FHIT: variants seen among roughly 807,000 people sequenced by gnomAD.
FHIT encodes fragile histidine triad diadenosine triphosphatase.
A neutral mutation model predicts 17.9 loss-of-function variants in FHIT; 19 were observed. The ratio of observed to expected loss-of-function variants is 1.06; its 90% CI spans 0.74 to 1.56. The LOEUF (loss-of-function observed/expected upper bound fraction) is 1.56. Ranked by LOEUF, FHIT falls within the 40% of genes most tolerant of loss-of-function variation. The pLI is 0.00. For synonymous variants in FHIT, 81 were observed against 69.7 expected (o/e 1.16, Z -0.81); for missense variants, 248 against 189.2 (o/e 1.31, Z -1.82).
intron 3 of FHIT, among the ~76,000 whole-genome samples, chr3:61,016,650 A>C (rs1184137440): frequency 6.6e-6 from 1 of 152,228 alleles, no homozygotes. Context: ...GTAGCATAAG[A>C]GTTCACAAGA....
intron 5 of FHIT, among the ~76,000 whole-genome samples, chr3:60,083,636 G>C (rs1212634207): frequency 6.6e-6 from 1 of 152,164 alleles, no homozygotes; most frequent in Non-Finnish European, 1.5e-5. Flanking sequence ...GACAGAGATA[G>C]ACTGGTCCCT....
At chr3:60,978,505 A>T (rs1710359192) in intron 3 of FHIT, among the ~76,000 whole-genome samples, 1 of 152,176 alleles carries the variant, frequency 6.6e-6, no homozygotes, top group African/African-American at 2.4e-5. Context: ...GCCTGCAGTA[A>T]AGAGAAATAA....
intron 5 of FHIT, among the ~76,000 whole-genome samples, chr3:60,170,034 T>A (rs974964372): frequency 2.6e-5 from 4 of 152,210 alleles, no homozygotes; most frequent in Non-Finnish European, 5.9e-5. Context: ...AGAATCATTT[T>A]TCACCTACTC....
At position 60,341,000 on chromosome 3, in the gene FHIT, T is replaced by A. The variant is rs150454577; in HGVS notation, c.103+195860A>T. Among the ~76,000 whole-genome samples the A allele has an allele frequency of 4.4e-3, 672 of 152,252 alleles. 3 individuals carry two copies. The highest frequency in any genetic ancestry group is 0.015 in the African/African-American group (627 of 41,550). On this transcript the variant is annotated intron_variant, in intron 5 of 9. Coordinates refer to ENST00000492590, the MANE Select transcript of FHIT (RefSeq NM_002012.4). ...CACTGCACCCGGCCTATATGAGAAT[T>A]TTTTTTAAATGAAACATGGATTAAT...
At chr3:60,841,179 G>A (rs1172285616) in intron 3 of FHIT, among the ~76,000 whole-genome samples, 5 of 152,252 alleles carry the variant, frequency 3.3e-5, no homozygotes, top group South Asian at 4.1e-4. Flanking sequence ...CTACCCTATT[G>A]TAAGTTGTCT....
intron 3 of FHIT, among the ~76,000 whole-genome samples, chr3:60,964,262 GT>G (rs542590002): frequency 0.041 from 5,987 of 145,558 alleles, 374 homozygotes; most frequent in African/African-American, 0.14. Flanking sequence ...ACCCCTGCTT[GT>G]TTTTTTTTTT....
chr3:61,203,245 A>C (rs560903258), intron 1 of FHIT, among the ~76,000 whole-genome samples: 72 of 151,394 alleles, frequency 4.8e-4, no homozygotes, highest in African/African-American at 1.7e-3. Flanking sequence ...GCTACTCAGG[A>C]GGCTGAGGCA....
At chr3:60,668,155 G>C (rs1428139491) in intron 4 of FHIT, among the ~76,000 whole-genome samples, 1 of 151,792 alleles carries the variant, frequency 6.6e-6, no homozygotes, top group Non-Finnish European at 1.5e-5. Flanking sequence ...AGAAAAAGAG[G>C]CTTCCCTGAC....
At chr3:61,179,398 C>T (rs994270699) in intron 2 of FHIT, among the ~76,000 whole-genome samples, 4 of 151,984 alleles carry the variant, frequency 2.6e-5, no homozygotes, top group Non-Finnish European at 5.9e-5. Context: ...GAAGCCCATA[C>T]CGTATGATTC....
At chr3:60,940,839 G>T (rs938054587) in intron 3 of FHIT, among the ~76,000 whole-genome samples, 2 of 152,062 alleles carry the variant, frequency 1.3e-5, no homozygotes, top group African/African-American at 2.4e-5. Flanking sequence ...ATATGTTGTG[G>T]GTTGGTGATA....
rs1220371452 is a variant in FHIT, at chr3:59,806,429, CT to C, written c.349-54109del. On this transcript the variant is annotated intron_variant, in intron 8 of 9. Coordinates refer to ENST00000492590, the MANE Select transcript of FHIT (RefSeq NM_002012.4). ...GTTCTTAGAGCTCTAAATTTATACT[CT>C]TTCCAATGCTTCGTTCCACTTCTAC... Among the ~76,000 whole-genome samples, 4 of 152,016 alleles carry C rather than the reference CT, an allele frequency of 2.6e-5. No individual in the cohort carries two copies. The East Asian group carries it at 5.8e-4, about 22-fold the overall frequency.
At chr3:59,940,936 C>A (rs1215868315) in intron 7 of FHIT, among the ~76,000 whole-genome samples, 2 of 152,100 alleles carry the variant, frequency 1.3e-5, no homozygotes, top group Non-Finnish European at 2.9e-5. Context: ...ATAAACAGTT[C>A]CGGTCCTATC....
Position 60,957,385 on chromosome 3 carries a change from G to A in FHIT, c.-111+84662C>T, listed in dbSNP as rs531985108. The stretch of plus-strand genomic sequence containing the variant: ...CCTGAGTAGCTGGGATTACAGGCAC[G>A]TGCCACCACACCTGGCTAATTTATT... On this transcript the variant is annotated intron_variant, in intron 3 of 9. Transcript: ENST00000492590. Among the ~76,000 whole-genome samples the A allele has an allele frequency of 6.6e-5, 10 of 151,994 alleles. No individual in the cohort carries two copies. In the East Asian group the frequency reaches 1.6e-3, roughly 24 times the overall value.
At chr3:60,913,314 A>G (rs1868220) in intron 3 of FHIT, among the ~76,000 whole-genome samples, 105,859 of 152,134 alleles carry the variant, frequency 0.7, 37,192 homozygotes, top group East Asian at 0.93. Context: ...CTGCCTGATA[A>G]TAATAAGCAA....
chr3:60,725,375 T>C (rs1392849859), intron 4 of FHIT, among the ~76,000 whole-genome samples: 1 of 152,224 alleles, frequency 6.6e-6, no homozygotes, highest in Admixed American at 6.5e-5. Flanking sequence ...CACAAGGTCA[T>C]GAAGATTTAT....
At chr3:60,710,554 G>A (rs1282237099) in intron 4 of FHIT, among the ~76,000 whole-genome samples, 2 of 152,268 alleles carry the variant, frequency 1.3e-5, no homozygotes, top group Admixed American at 6.5e-5. Context: ...CTGGAAAATC[G>A]GGCCCCTCCC....
At position 60,442,305 on chromosome 3, in the gene FHIT, C is replaced by A. The variant is rs375618336; in HGVS notation, c.103+94555G>T. ...TTTTTACATAGAATCAAAAGAACTT[C>A]TGGTGGTGGGAAGATGGTCTATAGA... On this transcript the variant is annotated intron_variant, in intron 5 of 9. Transcript: ENST00000492590. Among the ~76,000 whole-genome samples the A allele has an allele frequency of 2.6e-5, 4 of 152,142 alleles. No individual in the cohort carries two copies. In the East Asian group the frequency reaches 5.8e-4, roughly 22 times the overall value.
chr3:60,067,726 G>A (rs1028333700), intron 5 of FHIT, among the ~76,000 whole-genome samples: 1 of 152,094 alleles, frequency 6.6e-6, no homozygotes, highest in East Asian at 1.9e-4. Flanking sequence ...GGTATACTGG[G>A]AATTTCCACG....
chr3:60,673,788 C>T (rs1208590027), intron 4 of FHIT, among the ~76,000 whole-genome samples: 1 of 152,068 alleles, frequency 6.6e-6, no homozygotes, highest in African/African-American at 2.4e-5. Flanking sequence ...TACTGTTGTT[C>T]TCCTATATGT....
Sources: gnomAD v4.1 joint callset for allele counts (sites outside exome capture counted in the v4.1 genomes callset) on GRCh38, gnomAD v4.1.1 for gene constraint, MANE v1.5 for transcripts, NCBI Gene and HGNC (gene_info 2026-07-23, HGNC 2026-07-21) for gene names.